The following SCN9A variants were observed in gnomAD, a reference collection of about 807,000 sequenced individuals.
The protein encoded by SCN9A is sodium voltage-gated channel alpha subunit 9, also known as sodium channel protein type 9 subunit alpha.
In SCN9A, 131 loss-of-function variants were observed where a neutral mutation model predicts 187.0. The ratio of observed to expected loss-of-function variants is 0.70; its 90% confidence interval spans 0.61 to 0.81. SCN9A has a LOEUF of 0.81. SCN9A is among the 30% of genes least tolerant of loss of function. The probability of loss-of-function intolerance (pLI) is 0.00; values close to 1 mark genes in which losing one functional copy is unlikely to be tolerated. For synonymous variants in SCN9A, 809 were observed against 808.6 expected (o/e 1.00, Z -0.01); for missense variants, 2,252 against 2,396.6 (o/e 0.94, Z 1.26).
intron 1 of SCN9A, among the ~76,000 whole-genome samples, chr2:166,329,568 G>C (rs1295809581): frequency 6.7e-5 from 10 of 149,084 alleles, no homozygotes; most frequent in Admixed American, 6.7e-5. Context: ...GTTATTGTTG[G>C]GGGGGGGTTG....
In SCN9A at chr2:166,277,309, G is replaced by A. The variant is rs1333158698; in HGVS notation, c.2548C>T (p.Pro850Ser). 2 of 1,609,568 alleles carry A rather than the reference G, an allele frequency of 1.2e-6. No individual in the cohort carries two copies. Among genetic ancestry groups the A allele is most frequent in the South Asian group, 2.2e-5 (2 of 90,956 alleles). ...ATCTTAATCAGCATGTTCAATGTTG[G>A]CCAGGATTTTGCCAACTTGAAGACT... is the stretch of plus-strand genomic sequence containing the variant. ...LRVFKLAKSW[P>S]TLNMLIKIIG... The change falls in exon 16 of 27, where the codon CCA (proline) becomes TCA (serine). Residue 850 changes from proline to serine, a missense_variant. Around this residue, in one of 7 missense-constraint regions of SCN9A, gnomAD observed 119 missense variants for 188.7 expected, o/e 0.63. Coordinates refer to ENST00000642356, the MANE Select transcript of SCN9A (RefSeq NM_001365536.1).
intron 1 of SCN9A, among the ~76,000 whole-genome samples, chr2:166,345,058 T>C (rs1458248991): frequency 2.6e-5 from 4 of 151,982 alleles, no homozygotes; most frequent in African/African-American, 9.7e-5. Context: ...ACTCCAGGAG[T>C]TAAAATATTA....
At chr2:166,237,119 A>G (rs925435583) in intron 20 of SCN9A, among the ~76,000 whole-genome samples, 1 of 151,932 alleles carries the variant, frequency 6.6e-6, no homozygotes, top group African/African-American at 2.4e-5. Flanking sequence ...AGACTGGGAG[A>G]TTGAGGTTAT....
intron 20 of SCN9A, among the ~76,000 whole-genome samples, chr2:166,235,539 G>T (rs1266651002): frequency 1.3e-5 from 2 of 152,064 alleles, no homozygotes; most frequent in African/African-American, 4.8e-5. Flanking sequence ...TCCAACCCCA[G>T]AGTTTCTGAT....
intron 12 of SCN9A, 108 bp downstream of exon 12, chr2:166,284,345 G>C (rs527310169): frequency 2.3e-6 from 3 of 1,310,022 alleles, no homozygotes; most frequent in Non-Finnish European, 3.2e-6. Context: ...AAAAAGTATT[G>C]CAAAATGCAG....
chr2:166,292,524 A>G (rs532348186), intron 9 of SCN9A, among the ~76,000 whole-genome samples: 75 of 150,134 alleles, frequency 5.0e-4, no homozygotes, highest in African/African-American at 1.7e-3. Context: ...AGGCCAAAAA[A>G]GAAAAAAAAA....
chr2:166,227,598 G>A (rs1694893217), intron 23 of SCN9A, 72 bp downstream of exon 23: 2 of 885,306 alleles, frequency 2.3e-6, no homozygotes, highest in Non-Finnish European at 1.9e-6. Flanking sequence ...TGAAGTTATA[G>A]TTTGGAAATC....
At chr2:166,227,994 A>C (rs555136526) in intron 22 of SCN9A, among the ~76,000 whole-genome samples, 1 of 152,216 alleles carries the variant, frequency 6.6e-6, no homozygotes, top group African/African-American at 2.4e-5. Context: ...AGGTGAAGGA[A>C]AATTTTATGA....
intron 6 of SCN9A, among the ~76,000 whole-genome samples, 152 bp from the exon 7 acceptor site, chr2:166,303,454 A>G (rs1219435480): frequency 2.0e-5 from 3 of 152,158 alleles, no homozygotes; most frequent in Non-Finnish European, 4.4e-5. Flanking sequence ...GCTATTTTAT[A>G]TATACTTTGT....
chr2:166,370,448 C>T (rs542287393), intron 1 of SCN9A, among the ~76,000 whole-genome samples: 27 of 151,326 alleles, frequency 1.8e-4, no homozygotes, highest in Non-Finnish European at 2.9e-4. Context: ...GAGGCTGAGG[C>T]AGGAGAATGG....
At chr2:166,234,197 A>G (rs1695214368) in intron 20 of SCN9A, among the ~76,000 whole-genome samples, 1 of 152,224 alleles carries the variant, frequency 6.6e-6, no homozygotes, top group African/African-American at 2.4e-5. Context: ...AAAGAACATG[A>G]ACAGCAATAC....
chr2:166,249,316 C>T (rs1416211116), intron 18 of SCN9A: 1 of 152,102 alleles, frequency 6.6e-6, no homozygotes, highest in African/African-American at 2.4e-5. Flanking sequence ...TATGTTTCTT[C>T]AGCAAGGGGT....
At chr2:166,349,277 A>G (rs968176215) in intron 1 of SCN9A, among the ~76,000 whole-genome samples, 4 of 152,208 alleles carry the variant, frequency 2.6e-5, no homozygotes, top group Non-Finnish European at 4.4e-5. Context: ...ATAAATACTT[A>G]TTCAGTTGTA....
chr2:166,208,374 A>G (rs913441931), intron 24 of SCN9A, among the ~76,000 whole-genome samples: 11 of 152,204 alleles, frequency 7.2e-5, no homozygotes, highest in Non-Finnish European at 1.5e-4. Flanking sequence ...AATTGAGGTA[A>G]TGCATGAAGA....
Position 166,288,556 on chromosome 2 carries a change from C to A in SCN9A, c.1195G>T (p.Ala399Ser), listed in dbSNP as rs1201892436. The change falls in exon 10 of 27, where the codon GCT becomes TCT. Residue 399 changes from alanine (A) to serine (S), a missense_variant. Ala to Ser is a moderately conservative substitution (Grantham distance 99, BLOSUM62 1). This residue lies in a region of SCN9A where 1,013 missense variants were observed against 997.4 expected (regional missense o/e 1.02). Coordinates refer to ENST00000642356, the MANE Select transcript of SCN9A (RefSeq NM_001365536.1). ...TCTTCATATGCCATGGCAACCACAG[C>A]CAGGATCAAGTTTATTAGATAAAAG... Reference protein sequence around the residue: ...GSFYLINLILAVVAMAYEEQN... With the variant: ...GSFYLINLILSVVAMAYEEQN... The A allele has an allele frequency of 4.3e-6, 7 of 1,612,716 alleles. No individual in the cohort carries two copies. The highest frequency in any genetic ancestry group is 5.1e-6 in the Non-Finnish European group (6 of 1,179,072).
rs374213051 is a variant in SCN9A, at chr2:166,236,514, G to A, written c.3801+1580C>T. 6.6e-5 allele frequency among the ~76,000 whole-genome samples: 10 copies of A among 152,192 alleles called. No homozygotes were observed. The East Asian group carries it at 1.5e-3, about 24-fold the overall frequency. Reference sequence around the variant, plus strand: ...CGACTCACTGAAACCTCTGCCTACCGGGTTCAAGCGATTCTTCTGCCTCAG... The same window carrying A: ...CGACTCACTGAAACCTCTGCCTACCAGGTTCAAGCGATTCTTCTGCCTCAG... On this transcript the variant is annotated intron_variant, in intron 20 of 26. Transcript: ENST00000642356.
At chr2:166,203,821 A>AT (rs890005355) in intron 26 of SCN9A, 134 bp downstream of exon 26, 6 of 628,890 alleles carry the variant, frequency 9.5e-6, no homozygotes, top group East Asian at 2.8e-5. Context: ...GCTTTTTAGG[A>AT]TTTTTTCATT....
intron 1 of SCN9A, among the ~76,000 whole-genome samples, chr2:166,351,679 T>G (rs188522328): frequency 1.3e-5 from 2 of 152,268 alleles, no homozygotes; most frequent in African/African-American, 4.8e-5. Context: ...ACCATCCAAG[T>G]CATTAGTCTT....
rs746378441 is a variant in SCN9A at position 166,304,379 on chromosome 2, CT to C, written c.597-51del. 78 of 1,486,286 alleles carry C rather than the reference CT, an allele frequency of 5.2e-5. No homozygotes were observed. In the South Asian group the frequency reaches 8.9e-4, roughly 17 times the overall value. 92.1% of individuals were successfully genotyped at this position (1,486,286 alleles called of 1,614,324 possible). On this transcript the variant is annotated intron_variant, in intron 5 of 26. Transcript: ENST00000642356. Reference sequence around the variant, plus strand: ...CAGAATTTAGATAGAGTCTATGATACTTACCTGAGCCTTTAGTCAAGGTATT... The same window carrying C: ...CAGAATTTAGATAGAGTCTATGATACTACCTGAGCCTTTAGTCAAGGTATT...
Sources: allele counts gnomAD v4.1 joint callset (sites outside exome capture counted in the v4.1 genomes callset), GRCh38; gene constraint gnomAD v4.1.1; regional missense constraint gnomAD v4.1.1; transcripts MANE v1.5; gene names NCBI Gene and HGNC (gene_info 2026-07-23, HGNC 2026-07-21).